MRTFB: variants seen among roughly 807,000 people sequenced by gnomAD.
MRTFB encodes myocardin related transcription factor B.
Under a neutral mutation model 104.2 loss-of-function variants are expected in MRTFB, and 29 were observed. The observed-to-expected ratio is 0.28, with a 90% CI of 0.21 to 0.38. The LOEUF is 0.38. MRTFB is among the 10% of genes least tolerant of loss of function. The pLI, the probability that MRTFB is intolerant of heterozygous loss-of-function variation, is 1.00. For missense variants in MRTFB, 1,270 were observed against 1,341.6 expected (o/e 0.95, Z 0.83); for synonymous variants, 535 against 519.5 (o/e 1.03, Z -0.41).
intron 8 of MRTFB, among the ~76,000 whole-genome samples, chr16:14,225,639 C>CA (rs1286703501): frequency 2.0e-5 from 3 of 151,660 alleles, no homozygotes; most frequent in African/African-American, 7.3e-5. Context: ...TGGCTGTCCA[C>CA]ACCTGCCATC....
intron 2 of MRTFB, among the ~76,000 whole-genome samples, chr16:14,090,599 C>T (rs2034996544): frequency 6.6e-6 from 1 of 152,108 alleles, no homozygotes; most frequent in South Asian, 2.1e-4. Flanking sequence ...GGAGCAGTCT[C>T]CTCTTTCGGG....
chr16:14,165,612 T>G (rs1310846513), intron 3 of MRTFB, among the ~76,000 whole-genome samples: 2 of 152,138 alleles, frequency 1.3e-5, no homozygotes, highest in Non-Finnish European at 2.9e-5. Flanking sequence ...TACATGTTGT[T>G]CTCTTTGCCT....
intron 10 of MRTFB, chr16:14,240,802 A>G (rs1221422553): frequency 1.3e-6 from 1 of 742,762 alleles, no homozygotes; most frequent in South Asian, 1.4e-5. Flanking sequence ...CGTAAGTAGT[A>G]TAATACCTGG....
At chr16:14,236,146 A>C (rs2042493246) in intron 9 of MRTFB, among the ~76,000 whole-genome samples, 1 of 117,362 alleles carries the variant, frequency 8.5e-6, no homozygotes. Flanking sequence ...ATGTGCCTGC[A>C]CTCCAGCCTA....
intron 3 of MRTFB, among the ~76,000 whole-genome samples, chr16:14,154,091 G>T (rs2038735139): frequency 6.6e-6 from 1 of 152,130 alleles, no homozygotes; most frequent in South Asian, 2.1e-4. Flanking sequence ...TCAACACTTT[G>T]GGAGGCCAAG....
At chr16:14,167,388 G>A (rs562490588) in intron 3 of MRTFB, among the ~76,000 whole-genome samples, 1 of 151,118 alleles carries the variant, frequency 6.6e-6, no homozygotes, top group South Asian at 2.1e-4. Context: ...TGAGTTTCTT[G>A]TAGACTCTGG....
At chr16:14,228,120 A>C (rs1321826375) in intron 8 of MRTFB, among the ~76,000 whole-genome samples, 1 of 152,208 alleles carries the variant, frequency 6.6e-6, no homozygotes, top group African/African-American at 2.4e-5. Context: ...CTACTATCAA[A>C]AGAACAAAAA....
intron 8 of MRTFB, among the ~76,000 whole-genome samples, chr16:14,231,717 T>G (rs2042276831): frequency 6.6e-6 from 1 of 152,222 alleles, no homozygotes; most frequent in African/African-American, 2.4e-5. Context: ...CTTTTTGGAA[T>G]ACATCACTTC....
intron 3 of MRTFB, among the ~76,000 whole-genome samples, chr16:14,167,291 T>C (rs560443871): frequency 2.0e-5 from 3 of 152,354 alleles, no homozygotes; most frequent in South Asian, 4.1e-4. Context: ...GTTTGTTGTT[T>C]GCATAAATGT....
At chr16:14,098,937 A>AT (rs1405701285) in intron 2 of MRTFB, among the ~76,000 whole-genome samples, 1 of 152,144 alleles carries the variant, frequency 6.6e-6, no homozygotes, top group East Asian at 1.9e-4. Flanking sequence ...TCATTAATCT[A>AT]TTTGTCTTCA....
intron 2 of MRTFB, among the ~76,000 whole-genome samples, chr16:14,127,495 T>A (rs866576364): frequency 9.9e-5 from 15 of 151,444 alleles, no homozygotes; most frequent in Admixed American, 2.0e-4. Flanking sequence ...ACAAAAAAAA[T>A]TAGCCAGGCG....
At chr16:14,128,798 T>C (rs986236527) in intron 2 of MRTFB, among the ~76,000 whole-genome samples, 2 of 152,250 alleles carry the variant, frequency 1.3e-5, no homozygotes, top group East Asian at 3.8e-4. Flanking sequence ...TACAGTATCA[T>C]TGTTTTAATT....
intron 2 of MRTFB, among the ~76,000 whole-genome samples, chr16:14,135,309 A>G (rs759633014): frequency 1.4e-4 from 22 of 152,242 alleles, no homozygotes; most frequent in Non-Finnish European, 2.4e-4. Flanking sequence ...TCAATAGTAC[A>G]ATCATGCACC....
At chr16:14,111,653 A>G (rs1257088931) in intron 2 of MRTFB, among the ~76,000 whole-genome samples, 4 of 152,204 alleles carry the variant, frequency 2.6e-5, no homozygotes, top group Non-Finnish European at 5.9e-5. Flanking sequence ...ACCCACTGCC[A>G]GCTTCTAACC....
rs138034101 is a variant in MRTFB at position 14,117,417 on chromosome 16, T to A, written c.-63-23127T>A. 2.1e-3 allele frequency among the ~76,000 whole-genome samples: 320 copies of A among 152,344 alleles called. 1 individual carries two copies. Among genetic ancestry groups the A allele is most frequent in the African/African-American group, 7.1e-3 (295 of 41,588 alleles). ...GTCTTGATCAGGCCTTCCTAATACA[T>A]GGTCCCATAGCATCTATTCTTTTCC... On this transcript the variant is annotated intron_variant, in intron 2 of 16. Coordinates refer to ENST00000571589, the MANE Select transcript of MRTFB (RefSeq NM_001308142.2).
At chr16:14,166,411 A>G (rs193103514) in intron 3 of MRTFB, among the ~76,000 whole-genome samples, 304 of 152,250 alleles carry the variant, frequency 2.0e-3, no homozygotes, top group South Asian at 5.2e-3. Context: ...ATGCATTTCA[A>G]AAAAGAATGT....
chr16:14,027,317 T>C, the MRTFB span, among the ~76,000 whole-genome samples: 18 of 152,134 alleles, frequency 1.2e-4, no homozygotes, highest in Admixed American at 2.0e-4. Context: ...TTATATAATG[T>C]CTTCAAACAA....
In MRTFB at chr16:14,140,736, C is replaced by G; in HGVS notation, c.130C>G (p.Pro44Ala). ...CTCCTTGCAGTCCAGTCAAAACTTA[C>G]CCCCTCTGAACGAAAGGAAAAATGG... ...ELSLQSSQNL[P>A]PLNERKNVLQ... Residue 44 changes from proline (P) to alanine (A), a missense_variant, in exon 3 of 17, where the codon CCC (proline) becomes GCC (alanine). By Grantham distance (27) the Pro-to-Ala change is conservative. Coordinates refer to ENST00000571589, the MANE Select transcript of MRTFB (RefSeq NM_001308142.2). 1.9e-6 allele frequency: 3 copies of G among 1,614,128 alleles called. No individual in the cohort carries two copies. Among genetic ancestry groups the G allele is most frequent in the Non-Finnish European group, 1.7e-6 (2 of 1,180,022 alleles).
At chr16:14,128,729 A>T (rs976449884) in intron 2 of MRTFB, among the ~76,000 whole-genome samples, 2 of 152,218 alleles carry the variant, frequency 1.3e-5, no homozygotes, top group African/African-American at 4.8e-5. Context: ...TCTCCTATTG[A>T]TCGTGGCTAG....
Sources: allele counts gnomAD v4.1 joint callset (sites outside exome capture counted in the v4.1 genomes callset), GRCh38; gene constraint gnomAD v4.1.1; transcripts MANE v1.5; gene names NCBI Gene and HGNC (gene_info 2026-07-23, HGNC 2026-07-21).